Variants in OR2T6 observed in about 807,000 individuals in gnomAD.
OR2T6 encodes olfactory receptor 2T6.
For missense variants in OR2T6, 424 were observed against 391.6 expected (o/e 1.08, Z -0.70); for synonymous variants, 174 against 148.0 (o/e 1.18, Z -1.27).
rs773197375 is a variant in OR2T6, at chr1:248,382,532, C to CTTTTTTTTTTTTTTTTTTT, written c.-158-2176_-158-2175insTTTTTTTTTTTTTTTTTTT. ...CAATACTCCATGTCTACCTTTCTTT[C>CTTTTTTTTTTTTTTTTTTT]TTTCTTTTTTTTTTTTTTTAGATGG... is the stretch of plus-strand genomic sequence containing the variant. On this transcript the variant is annotated intron_variant, in intron 1 of 2. Coordinates refer to ENST00000641644, the MANE Select transcript of OR2T6 (RefSeq NM_001005471.2). Among the ~76,000 whole-genome samples, 5 of 117,288 alleles carry CTTTTTTTTTTTTTTTTTTT rather than the reference C, an allele frequency of 4.3e-5. 2 individuals carry two copies. Among genetic ancestry groups the CTTTTTTTTTTTTTTTTTTT allele is most frequent in the Non-Finnish European group, 3.6e-5 (2 of 54,882 alleles). 76.9% of individuals were successfully genotyped at this position (117,288 alleles called of 152,430 possible).
intron 1 of OR2T6, among the ~76,000 whole-genome samples, chr1:248,383,216 T>C (rs61832914): frequency 0.012 from 256 of 20,700 alleles, 16 homozygotes; most frequent in Non-Finnish European, 0.014. Flanking sequence ...CCTGAGTGTG[T>C]TCATCCTATC....
chr1:248,387,255 G>C (rs897322192), intron 2 of OR2T6, among the ~76,000 whole-genome samples: 1 of 152,160 alleles, frequency 6.6e-6, no homozygotes, highest in Non-Finnish European at 1.5e-5. Flanking sequence ...TGGATCAATA[G>C]TCTTTCAGTT....
intron 1 of OR2T6, among the ~76,000 whole-genome samples, chr1:248,381,271 A>T (rs560069502): frequency 6.7e-6 from 1 of 149,600 alleles, no homozygotes; most frequent in East Asian, 2.0e-4. Context: ...TCTGTGTTGG[A>T]GTCATAGGCT....
Position 248,387,855 on chromosome 1 carries a change from GT to G in OR2T6, c.248del (p.Val83GlufsTer61). The G allele has an allele frequency of 6.3e-7, 1 of 1,598,926 alleles. No homozygotes were observed. Among genetic ancestry groups the G allele is most frequent in the Non-Finnish European group, 8.6e-7 (1 of 1,169,236 alleles). ...CTCCACCATTGTGCCCAAGATGCTG[GT>G]AGATTATCTCATGGGCGAGGGGACC... ...YISTIVPKML[V>X]DYLMGEGTIS... is the part of the protein sequence containing the mutation. On this transcript the variant is annotated frameshift_variant, in exon 3 of 3. Coordinates refer to ENST00000641644, the MANE Select transcript of OR2T6 (RefSeq NM_001005471.2). LOFTEE classifies it low-confidence loss of function (END_TRUNC).
intron 2 of OR2T6, among the ~76,000 whole-genome samples, chr1:248,386,255 G>A (rs1187553194): frequency 6.6e-6 from 1 of 152,166 alleles, no homozygotes; most frequent in Admixed American, 6.5e-5. Context: ...TATATTCATC[G>A]TGTATTCAAG....
At chr1:248,378,250 T>TC (rs1326844316) in intron 1 of OR2T6, among the ~76,000 whole-genome samples, 1 of 152,226 alleles carries the variant, frequency 6.6e-6, no homozygotes, top group African/African-American at 2.4e-5. Flanking sequence ...TGTGTGATGT[T>TC]CCCCGCTTCT....
At chr1:248,377,406 C>T (rs1310254842) in intron 1 of OR2T6, among the ~76,000 whole-genome samples, 1 of 152,186 alleles carries the variant, frequency 6.6e-6, no homozygotes, top group Non-Finnish European at 1.5e-5. Context: ...CCACCTAATA[C>T]ATACAAGGCT....
Position 248,383,231 on chromosome 1 carries a change from A to T in OR2T6, c.-158-1480A>T, listed in dbSNP as rs113848857. On this transcript the variant is annotated intron_variant, in intron 1 of 2. Coordinates refer to ENST00000641644, the MANE Select transcript of OR2T6 (RefSeq NM_001005471.2). ...CCTGAGTGTGTTCATCCTATCCTGA[A>T]GTGTATCCTAGTGTTATCATCATGG... Among the ~76,000 whole-genome samples, 129 of 21,992 alleles carry T rather than the reference A, an allele frequency of 5.9e-3. 14 individuals carry two copies. Among genetic ancestry groups the T allele is most frequent in the Non-Finnish European group, 7.9e-3 (89 of 11,258 alleles). The allele number at this position is 21,992 out of a possible 152,430, so 14.4% of individuals were successfully genotyped here. A position where few individuals can be genotyped will look rare whatever the true frequency, so the allele number is the denominator to read the frequency against.
intron 2 of OR2T6, 88 bp from the exon 3 acceptor site, chr1:248,387,517 A>G: frequency 1.3e-6 from 1 of 790,410 alleles, no homozygotes; most frequent in Non-Finnish European, 1.9e-6. Flanking sequence ...TTAATCTAAT[A>G]ATGTTTACAC....
intron 1 of OR2T6, among the ~76,000 whole-genome samples, chr1:248,381,872 C>T (rs1027211043): frequency 6.6e-6 from 1 of 151,754 alleles, no homozygotes; most frequent in African/African-American, 2.4e-5. Flanking sequence ...CCTAATTTAT[C>T]TCAGAATGTC....
chr1:248,386,182 C>T (rs746261456), intron 2 of OR2T6, among the ~76,000 whole-genome samples: 4 of 152,076 alleles, frequency 2.6e-5, no homozygotes, highest in Admixed American at 6.6e-5. Context: ...TCCAAGAATT[C>T]GAAATTCAAG....
At position 248,387,781 on chromosome 1, in the gene OR2T6, C is replaced by T. The variant is rs369325627; in HGVS notation, c.173C>T (p.Pro58Leu). ...LINIDPHLHT[P>L]MYFLLSHLSV... ...AACATAGACCCTCATCTCCACACCC[C>T]CATGTACTTCCTCCTCAGCCACCTC... The change falls in exon 3 of 3, where the codon CCC becomes CTC. Residue 58 changes from proline to leucine, a missense_variant. Pro to Leu is a moderately conservative substitution (Grantham distance 98). Coordinates refer to ENST00000641644, the MANE Select transcript of OR2T6 (RefSeq NM_001005471.2). The T allele has an allele frequency of 2.5e-6, 4 of 1,612,148 alleles. No homozygotes were observed. The South Asian group carries it at 3.3e-5, about 13-fold the overall frequency.
intron 1 of OR2T6, among the ~76,000 whole-genome samples, chr1:248,379,527 A>T (rs1660997706): frequency 6.6e-6 from 1 of 152,158 alleles, no homozygotes; most frequent in Non-Finnish European, 1.5e-5. Flanking sequence ...TTGAAGGGGG[A>T]TAGAATGGGA....
chr1:248,377,047 A>G (rs1660948663), intron 1 of OR2T6, among the ~76,000 whole-genome samples: 1 of 152,224 alleles, frequency 6.6e-6, no homozygotes, highest in Admixed American at 6.5e-5. Context: ...ACTAAGAGAC[A>G]GTATCTGAAA....
Position 248,378,095 on chromosome 1 carries a change from A to G in OR2T6, c.-159+2041A>G, listed in dbSNP as rs558642415. Among the ~76,000 whole-genome samples, 20 of 152,290 alleles carry G rather than the reference A, an allele frequency of 1.3e-4. No individual in the cohort carries two copies. In the South Asian group the frequency reaches 4.1e-3, roughly 32 times the overall value. The stretch of plus-strand genomic sequence containing the variant: ...ACAATCAATGGCAATAATTTATTTA[A>G]TGTCTTCATATATTATTCCCACTTC... On this transcript the variant is annotated intron_variant, in intron 1 of 2. Transcript: ENST00000641644.
At position 248,389,706 on chromosome 1, in the gene OR2T6, C is replaced by T. The variant is rs1661215706; in HGVS notation, c.*1171C>T. 2 of 152,220 alleles carry T rather than the reference C, an allele frequency of 1.3e-5. No individual in the cohort carries two copies. 9.4% of individuals were successfully genotyped at this position (152,220 alleles called of 1,614,324 possible). A position where few individuals can be genotyped will look rare whatever the true frequency, so the allele number is the denominator to read the frequency against. ...GCGTTGTGGGCACACAGACTCAAGC[C>T]ACTCCACAAGTCAGTCAATATTGCA... On this transcript the variant is annotated 3_prime_UTR_variant, in exon 3 of 3. Coordinates refer to ENST00000641644, the MANE Select transcript of OR2T6 (RefSeq NM_001005471.2).
intron 1 of OR2T6, among the ~76,000 whole-genome samples, chr1:248,382,900 C>T (rs1318169364): frequency 6.6e-6 from 1 of 152,238 alleles, no homozygotes; most frequent in Non-Finnish European, 1.5e-5. Flanking sequence ...CCTCCACAAC[C>T]CTAACAAAAT....
At position 248,387,686 on chromosome 1, in the gene OR2T6, C is replaced by CTTT; in HGVS notation, c.81_83dup (p.Phe28dup). 6.2e-7 allele frequency: 1 copy of CTTT among 1,613,556 alleles called. No individual in the cohort carries two copies. Among genetic ancestry groups the CTTT allele is most frequent in the Non-Finnish European group, 8.5e-7 (1 of 1,179,602 alleles). On this transcript the variant is annotated inframe_insertion, in exon 3 of 3. Coordinates refer to ENST00000641644, the MANE Select transcript of OR2T6 (RefSeq NM_001005471.2). ...TCACTCACAATAAATGCTCAGGATTCTTTTTCGGTGTCATTTGTGCCGTCT... is the reference window on the plus strand; with the variant it reads ...TCACTCACAATAAATGCTCAGGATTCTTTTTTTTCGGTGTCATTTGTGCCGTCT...
chr1:248,381,877 A>G (rs1359936290), intron 1 of OR2T6, among the ~76,000 whole-genome samples: 3 of 152,068 alleles, frequency 2.0e-5, no homozygotes, highest in African/African-American at 4.8e-5. Context: ...TTTATCTCAG[A>G]ATGTCTTCCT....
Sources: allele counts gnomAD v4.1 joint callset (sites outside exome capture counted in the v4.1 genomes callset), GRCh38; gene constraint gnomAD v4.1.1; transcripts MANE v1.5; gene names NCBI Gene and HGNC (gene_info 2026-07-23, HGNC 2026-07-21).